Variants in ADARB2 observed in about 807,000 individuals in gnomAD.
ADARB2 encodes adenosine deaminase RNA specific B2 (inactive).
Under a neutral mutation model 62.2 loss-of-function variants are expected in ADARB2, and 25 were observed. That is an observed-to-expected ratio of 0.40 (90% CI 0.29 to 0.56). The LOEUF (loss-of-function observed/expected upper bound fraction) is 0.56, where lower values mean the gene tolerates loss of function less well. Among genes scored for constraint, ADARB2 ranks in the 20% least tolerant of loss-of-function variants. The pLI is 0.43. For synonymous variants in ADARB2, 572 were observed against 500.8 expected, an observed-to-expected ratio of 1.14 and a Z score of -1.90; for missense variants, 1,071 against 1,077.4, an observed-to-expected ratio of 0.99 and a Z score of 0.08.
Position 1,201,454 on chromosome 10 carries a change from C to T in ADARB2, c.1683-1307G>A, listed in dbSNP as rs112203756. 5.8e-3 allele frequency among the ~76,000 whole-genome samples: 885 copies of T among 152,324 alleles called. 16 individuals are homozygous for T. Among genetic ancestry groups the T allele is most frequent in the African/African-American group, 0.02 (846 of 41,562 alleles). ...ATATTGTGGTCATTTCTACAAGTCACGGTGCTTCTCCCAGAAAGCAAGGGA... is the reference window on the plus strand; with the variant it reads ...ATATTGTGGTCATTTCTACAAGTCATGGTGCTTCTCCCAGAAAGCAAGGGA... On this transcript the variant is annotated intron_variant, in intron 7 of 9. Coordinates refer to ENST00000381312, the MANE Select transcript of ADARB2 (RefSeq NM_018702.4).
At chr10:1,326,753 C>G in intron 3 of ADARB2, among the ~76,000 whole-genome samples, 1 of 149,942 alleles carries the variant, frequency 6.7e-6, no homozygotes, top group Admixed American at 6.6e-5. Flanking sequence ...CTCCCGACGG[C>G]ACGGCGCCTC....
At chr10:1,611,813 C>A (rs1424152391) in intron 1 of ADARB2, among the ~76,000 whole-genome samples, 1 of 152,198 alleles carries the variant, frequency 6.6e-6, no homozygotes, top group African/African-American at 2.4e-5. Flanking sequence ...CACCCATCTC[C>A]TTCTGAAGGA....
chr10:1,523,784 C>T (rs1205648919), intron 1 of ADARB2, among the ~76,000 whole-genome samples: 1 of 152,222 alleles, frequency 6.6e-6, no homozygotes. Flanking sequence ...ATTATATCAG[C>T]ACAAATCTTG....
At chr10:1,676,525 C>T (rs953531013) in intron 1 of ADARB2, among the ~76,000 whole-genome samples, 1 of 152,022 alleles carries the variant, frequency 6.6e-6, no homozygotes, top group Non-Finnish European at 1.5e-5. Flanking sequence ...ATGGAATTTT[C>T]CCCCTTCATT....
chr10:1,419,702 A>G (rs1433706937), intron 1 of ADARB2, among the ~76,000 whole-genome samples: 1 of 152,238 alleles, frequency 6.6e-6, no homozygotes, highest in Non-Finnish European at 1.5e-5. Flanking sequence ...AATGAATTAT[A>G]TCGTCCAAGG....
chr10:1,355,972 CATTGT>C (rs1564266985), intron 3 of ADARB2, among the ~76,000 whole-genome samples: 2 of 152,098 alleles, frequency 1.3e-5, no homozygotes, highest in African/African-American at 4.8e-5. Flanking sequence ...GTATATCATA[CATTGT>C]ATTTACATTG....
In ADARB2 at chr10:1,503,218, TG is replaced by T. The variant is rs201687875; in HGVS notation, c.101-124059del. Among the ~76,000 whole-genome samples the T allele has an allele frequency of 8.2e-4, 125 of 152,066 alleles. 2 individuals are homozygous for T. The South Asian group carries it at 0.026, about 31-fold the overall frequency. Reference sequence around the variant, plus strand: ...TCAGGCTTTCGTGAAGGGATTTTTTTGTTGTTGTTGTTCAGTCTGTAGCCCA... The same window carrying T: ...TCAGGCTTTCGTGAAGGGATTTTTTTTTGTTGTTGTTCAGTCTGTAGCCCA... On this transcript the variant is annotated intron_variant, in intron 1 of 9. Transcript: ENST00000381312.
At position 1,350,673 on chromosome 10, in the gene ADARB2, G is replaced by A. The variant is rs185395562; in HGVS notation, c.1077+12355C>T. On this transcript the variant is annotated intron_variant, in intron 3 of 9. Transcript: ENST00000381312. Reference sequence around the variant, plus strand: ...AAAAATCCAGCCCAGTTCATGGCTCGTTCGGCAGCAACCCTGAGATGCTTT... The same window carrying A: ...AAAAATCCAGCCCAGTTCATGGCTCATTCGGCAGCAACCCTGAGATGCTTT... 9.9e-5 allele frequency among the ~76,000 whole-genome samples: 15 copies of A among 152,186 alleles called. No individual in the cohort carries two copies. The East Asian group carries it at 2.1e-3, about 22-fold the overall frequency.
chr10:1,598,805 G>C (rs937922225), intron 1 of ADARB2, among the ~76,000 whole-genome samples: 1 of 152,250 alleles, frequency 6.6e-6, no homozygotes, highest in Non-Finnish European at 1.5e-5. Context: ...AGGCAGACTG[G>C]AATCCGCAGA....
intron 7 of ADARB2, among the ~76,000 whole-genome samples, chr10:1,205,606 C>T (rs1407925662): frequency 6.6e-6 from 1 of 152,282 alleles, no homozygotes; most frequent in East Asian, 1.9e-4. Context: ...ATGGAATCCT[C>T]ACCTCCCAGA....
In ADARB2 at chr10:1,657,364, A is replaced by G. The variant is rs147428018; in HGVS notation, c.100+79687T>C. Among the ~76,000 whole-genome samples the G allele has an allele frequency of 1.2e-4, 18 of 151,902 alleles. No homozygotes were observed. In the East Asian group the frequency reaches 2.9e-3, roughly 24 times the overall value. On this transcript the variant is annotated intron_variant, in intron 1 of 9. Coordinates refer to ENST00000381312, the MANE Select transcript of ADARB2 (RefSeq NM_018702.4). ...GCCTAGGGAAAAGAAAGCAAGGAGT[A>G]ACTCAAGGAATTTGATAAATCATAT...
At chr10:1,622,389 T>A (rs1833714154) in intron 1 of ADARB2, among the ~76,000 whole-genome samples, 1 of 152,110 alleles carries the variant, frequency 6.6e-6, no homozygotes. Flanking sequence ...ACATCTTTAA[T>A]GAAAAAATAA....
At chr10:1,601,899 AG>A (rs1833420172) in intron 1 of ADARB2, among the ~76,000 whole-genome samples, 2 of 152,240 alleles carry the variant, frequency 1.3e-5, no homozygotes, top group Admixed American at 6.5e-5. Flanking sequence ...ATTGAATGTG[AG>A]GGGGTCCCAT....
At chr10:1,391,239 A>G (rs1322336553) in intron 1 of ADARB2, among the ~76,000 whole-genome samples, 1 of 151,516 alleles carries the variant, frequency 6.6e-6, no homozygotes, top group East Asian at 1.9e-4. Context: ...CTGCCCAACA[A>G]CCAATAGGCG....
At chr10:1,290,298 A>T (rs1831454635) in intron 3 of ADARB2, 1 of 152,266 alleles carries the variant, frequency 6.6e-6, no homozygotes, top group African/African-American at 2.4e-5. Context: ...CCTCCAGCAG[A>T]GAGTGGAGGC....
chr10:1,468,979 G>A (rs781077060), intron 1 of ADARB2, among the ~76,000 whole-genome samples: 19 of 152,316 alleles, frequency 1.2e-4, no homozygotes, highest in Non-Finnish European at 2.5e-4. Flanking sequence ...AAGTGGCCCC[G>A]CTGGGCTGAT....
intron 8 of ADARB2, among the ~76,000 whole-genome samples, chr10:1,195,526 C>T (rs774802347): frequency 4.0e-5 from 6 of 151,326 alleles, no homozygotes; most frequent in African/African-American, 7.3e-5. Flanking sequence ...GCAGAGACGA[C>T]GTTGAAAGGT....
intron 3 of ADARB2, among the ~76,000 whole-genome samples, chr10:1,311,465 TC>T (rs1452686406): frequency 6.6e-6 from 1 of 152,018 alleles, no homozygotes; most frequent in East Asian, 1.9e-4. Flanking sequence ...AGTGGGTTCT[TC>T]CGGGAAATGA....
At chr10:1,390,096 C>A (rs540347607) in intron 1 of ADARB2, among the ~76,000 whole-genome samples, 1 of 152,244 alleles carries the variant, frequency 6.6e-6, no homozygotes, top group East Asian at 1.9e-4. Flanking sequence ...TGCATTTATA[C>A]AATGAATTAC....
Sources: allele counts gnomAD v4.1 joint callset (sites outside exome capture counted in the v4.1 genomes callset), GRCh38; gene constraint gnomAD v4.1.1; transcripts MANE v1.5; gene names NCBI Gene and HGNC (gene_info 2026-07-23, HGNC 2026-07-21).